The following TMEM108 variants were observed in gnomAD, a reference collection of about 807,000 sequenced individuals.
The protein encoded by TMEM108 is cancer/testis antigen 124.
A neutral mutation model predicts 35.1 loss-of-function variants in TMEM108; 12 were observed. The ratio of observed to expected loss-of-function variants is 0.34; its 90% confidence interval spans 0.22 to 0.55. TMEM108 has a LOEUF of 0.55. TMEM108 is among the 20% of genes least tolerant of loss of function. The pLI is 0.89. For synonymous variants in TMEM108, 287 were observed against 308.6 expected, an observed-to-expected ratio of 0.93 and a Z score of 0.73; for missense variants, 680 against 753.3, an observed-to-expected ratio of 0.90 and a Z score of 1.14.
rs61407503 is a variant in TMEM108 at position 133,191,862 on chromosome 3, C to T, written c.-46-37404C>T. Among the ~76,000 whole-genome samples, 272 of 152,170 alleles carry T rather than the reference C, an allele frequency of 1.8e-3. 1 individual carries two copies. Among genetic ancestry groups the T allele is most frequent in the African/African-American group, 6.1e-3 (252 of 41,528 alleles). ...GACGTGGACCCTGCTGTGAATGAAT[C>T]GATGGGGTAAAATCATGATGCTGCC... On this transcript the variant is annotated intron_variant, in intron 2 of 5. Transcript: ENST00000321871.
chr3:133,058,545 G>A (rs1943500023), intron 2 of TMEM108, among the ~76,000 whole-genome samples: 2 of 152,170 alleles, frequency 1.3e-5, no homozygotes, highest in African/African-American at 4.8e-5. Context: ...AAGCCCTTTG[G>A]CTACTCCCGT....
intron 3 of TMEM108, among the ~76,000 whole-genome samples, chr3:133,325,882 T>C (rs1205735098): frequency 6.6e-6 from 1 of 152,034 alleles, no homozygotes; most frequent in East Asian, 1.9e-4. Context: ...TGCTATAACA[T>C]TATGTTTACA....
chr3:133,094,364 C>T (rs1943986882), intron 2 of TMEM108, among the ~76,000 whole-genome samples: 1 of 151,938 alleles, frequency 6.6e-6, no homozygotes, highest in South Asian at 2.1e-4. Context: ...AGCCCCGTGG[C>T]CTTGGATAAG....
chr3:133,190,144 C>T (rs1312223974), intron 2 of TMEM108, among the ~76,000 whole-genome samples: 1 of 152,004 alleles, frequency 6.6e-6, no homozygotes, highest in Non-Finnish European at 1.5e-5. Flanking sequence ...ACTTTGATAT[C>T]ATATGAAAAG....
chr3:133,287,561 G>T (rs1453130207), intron 3 of TMEM108, among the ~76,000 whole-genome samples: 2 of 152,152 alleles, frequency 1.3e-5, no homozygotes, highest in Non-Finnish European at 2.9e-5. Flanking sequence ...GGGATTGTCA[G>T]TTGTCTCTGG....
At chr3:133,079,751 A>G (rs1333975161) in intron 2 of TMEM108, among the ~76,000 whole-genome samples, 3 of 152,220 alleles carry the variant, frequency 2.0e-5, no homozygotes, top group Admixed American at 2.0e-4. Flanking sequence ...GCAAAGTATC[A>G]TTCTGAAATG....
chr3:133,308,560 T>C (rs2071078497), intron 3 of TMEM108, among the ~76,000 whole-genome samples: 1 of 152,108 alleles, frequency 6.6e-6, no homozygotes, highest in African/African-American at 2.4e-5. Flanking sequence ...ATTGAGAGTT[T>C]TTAGTATGAA....
At position 133,098,664 on chromosome 3, in the gene TMEM108, A is replaced by G. The variant is rs146038246; in HGVS notation, c.-47+52644A>G. On this transcript the variant is annotated intron_variant, in intron 2 of 5. Transcript: ENST00000321871. ...GTATTGGGTAAATATAGCCATTCCA[A>G]ATGGGAGAAATTGGCCAAAACAAAG... Among the ~76,000 whole-genome samples, 8 of 152,288 alleles carry G rather than the reference A, an allele frequency of 5.3e-5. No individual in the cohort carries two copies. The East Asian group carries it at 1.5e-3, about 29-fold the overall frequency.
At chr3:133,315,612 T>C (rs1341371263) in intron 3 of TMEM108, among the ~76,000 whole-genome samples, 1 of 152,250 alleles carries the variant, frequency 6.6e-6, no homozygotes, top group Non-Finnish European at 1.5e-5. Context: ...GGCTCACAGC[T>C]ACCCCAGCAG....
intron 2 of TMEM108, among the ~76,000 whole-genome samples, chr3:133,175,142 A>G (rs142764458): frequency 0.024 from 3,696 of 152,278 alleles, 165 homozygotes; most frequent in African/African-American, 0.083. Context: ...AGTAAAAAGA[A>G]ACGAACAAAG....
intron 2 of TMEM108, among the ~76,000 whole-genome samples, chr3:133,133,695 CTTT>C (rs543867505): frequency 2.2e-5 from 3 of 135,536 alleles, no homozygotes; most frequent in Non-Finnish European, 3.2e-5. Flanking sequence ...TTTTTTCTTT[CTTT>C]TTTTTTTTTT....
intron 3 of TMEM108, among the ~76,000 whole-genome samples, chr3:133,279,994 A>G (rs533487063): frequency 1.3e-5 from 2 of 151,984 alleles, no homozygotes; most frequent in South Asian, 2.1e-4. Flanking sequence ...ATTATATTAA[A>G]TTTTGAGATG....
intron 2 of TMEM108, among the ~76,000 whole-genome samples, chr3:133,078,271 T>A (rs893629278): frequency 6.6e-6 from 1 of 152,142 alleles, no homozygotes; most frequent in Non-Finnish European, 1.5e-5. Flanking sequence ...TACCTCCCTA[T>A]TCTTCTCAGT....
intron 2 of TMEM108, among the ~76,000 whole-genome samples, chr3:133,091,003 A>G (rs370758242): frequency 6.6e-6 from 1 of 152,136 alleles, no homozygotes; most frequent in East Asian, 1.9e-4. Flanking sequence ...AAATCACTGT[A>G]AGTAAAACTA....
At chr3:133,378,855 G>A (rs1431330533) in intron 3 of TMEM108, among the ~76,000 whole-genome samples, 1 of 148,162 alleles carries the variant, frequency 6.7e-6, no homozygotes, top group African/African-American at 2.5e-5. Flanking sequence ...ACTCAAAAAG[G>A]CTGGATATCA....
intron 3 of TMEM108, among the ~76,000 whole-genome samples, chr3:133,345,463 A>G (rs2071788971): frequency 1.3e-5 from 2 of 151,842 alleles, no homozygotes; most frequent in Admixed American, 1.3e-4. Context: ...AGTCATTATC[A>G]TTAAAACCAG....
intron 2 of TMEM108, among the ~76,000 whole-genome samples, chr3:133,096,436 C>G (rs1052406318): frequency 3.3e-5 from 5 of 152,206 alleles, no homozygotes; most frequent in African/African-American, 1.2e-4. Flanking sequence ...GGGATTACAA[C>G]TGTGAGCCAT....
intron 2 of TMEM108, among the ~76,000 whole-genome samples, chr3:133,106,034 C>T (rs184787012): frequency 5.9e-5 from 9 of 152,078 alleles, no homozygotes; most frequent in Non-Finnish European, 8.8e-5. Flanking sequence ...CCTGCCCTCA[C>T]GGAATTTATA....
At chr3:133,150,766 A>C (rs572444825) in intron 2 of TMEM108, among the ~76,000 whole-genome samples, 2 of 152,296 alleles carry the variant, frequency 1.3e-5, no homozygotes, top group East Asian at 3.9e-4. Context: ...TGAGAGAAGT[A>C]GTCTGATGGC....
Sources: allele counts gnomAD v4.1 joint callset (sites outside exome capture counted in the v4.1 genomes callset), GRCh38; gene constraint gnomAD v4.1.1; transcripts MANE v1.5; gene names NCBI Gene and HGNC (gene_info 2026-07-23, HGNC 2026-07-21).